CCT6A: variants seen among roughly 807,000 people sequenced by gnomAD.
CCT6A encodes T-complex protein 1 subunit zeta.
Under a neutral mutation model 58.6 loss-of-function variants are expected in CCT6A, and 6 were observed. That is an observed-to-expected ratio of 0.10 (90% CI 0.06 to 0.20). The LOEUF (loss-of-function observed/expected upper bound fraction) is 0.20. Ranked by LOEUF, CCT6A falls within the 10% of genes least tolerant of loss-of-function variation. The pLI is 1.00. For synonymous variants in CCT6A, 245 were observed against 227.8 expected (o/e 1.08, Z -0.68); for missense variants, 516 against 648.8 (o/e 0.80, Z 2.22).
intron 5 of CCT6A, 98 bp from the exon 6 acceptor site, chr7:56,057,895 T>G: frequency 2.8e-6 from 2 of 714,818 alleles, no homozygotes; most frequent in Non-Finnish European, 5.0e-6. Context: ...AAGAAAAATG[T>G]GACTGCGTGA....
intron 4 of CCT6A, 22 bp from the exon 5 acceptor site, chr7:56,056,289 G>A (rs1172548825): frequency 4.1e-6 from 5 of 1,214,092 alleles, no homozygotes; most frequent in East Asian, 4.6e-5. Flanking sequence ...TTTACTTAAC[G>A]GTTATGCTCC....
intron 4 of CCT6A, 194 bp downstream of exon 4, chr7:56,055,991 G>C (rs1794295989): frequency 3.8e-6 from 2 of 532,268 alleles, no homozygotes; most frequent in South Asian, 5.7e-5. Flanking sequence ...GGTTATAAAA[G>C]TAAAATTGAA....
In CCT6A at chr7:56,063,975, T is replaced by A. The variant is rs1794551741; in HGVS notation, c.*890T>A. 4.2e-6 allele frequency: 2 copies of A among 472,302 alleles called. No individual in the cohort carries two copies. The highest frequency in any genetic ancestry group is 5.7e-5 in the South Asian group (2 of 34,972). The allele number at this position is 472,302 out of a possible 1,614,324, so 29.3% of individuals were successfully genotyped here. On this transcript the variant is annotated 3_prime_UTR_variant, in exon 14 of 14. Coordinates refer to ENST00000275603, the MANE Select transcript of CCT6A (RefSeq NM_001762.4). ...CCTGAAGTGAGTTGTGCAATAAATG[T>A]TAAGTTGAAACCTCCTTTCTGTTCT...
chr7:56,062,983 T>G, intron 13 of CCT6A, 30 bp from the exon 14 acceptor site: 1 of 1,535,926 alleles, frequency 6.5e-7, no homozygotes. Context: ...CCTAATCATC[T>G]GAGCCATCTT....
At position 56,063,082 on chromosome 7, in the gene CCT6A, T is replaced by G. The variant is rs1462898019; in HGVS notation, c.1593T>G (p.Gly531=). The G allele has an allele frequency of 6.3e-7, 1 of 1,597,346 alleles. No individual in the cohort carries two copies. Among genetic ancestry groups the G allele is most frequent in the South Asian group, 1.1e-5 (1 of 90,766 alleles). The change falls in exon 14 of 14, where the codon GGT becomes GGG. Residue 531 remains glycine (G), a synonymous_variant. Coordinates refer to ENST00000275603, the MANE Select transcript of CCT6A (RefSeq NM_001762.4). ...GAGCTGGAATGTCTTCTCTGAAAGGTTGAATTGAAGCTTCCTCTGTATCTG... is the reference window on the plus strand; with the variant it reads ...GAGCTGGAATGTCTTCTCTGAAAGGGTGAATTGAAGCTTCCTCTGTATCTG... The part of the protein sequence containing the change: ...IMRAGMSSLK[G]
intron 3 of CCT6A, 68 bp from the exon 4 acceptor site, chr7:56,055,556 C>A: frequency 7.5e-7 from 1 of 1,333,228 alleles, no homozygotes; most frequent in Non-Finnish European, 1.1e-6. Context: ...CAATAATTAC[C>A]TGAACTTTAT....
rs943910909 is a variant in CCT6A at position 56,058,884 on chromosome 7, T to A, written c.968+182T>A. ...TTTTCATCATCACAAACTGAAACTG[T>A]ATACCCATTAAATAGTTACTCCCCA... On this transcript the variant is annotated intron_variant, in intron 8 of 13. Transcript: ENST00000275603. 9 of 445,762 alleles carry A rather than the reference T, an allele frequency of 2.0e-5. No homozygotes were observed. In the East Asian group the frequency reaches 2.3e-4, roughly 12 times the overall value. 27.6% of individuals were successfully genotyped at this position (445,762 alleles called of 1,614,324 possible). A position where few individuals can be genotyped will look rare whatever the true frequency, so the allele number is the denominator to read the frequency against.
intron 12 of CCT6A, among the ~76,000 whole-genome samples, chr7:56,062,259 G>A (rs1345780021): frequency 6.6e-6 from 1 of 152,204 alleles, no homozygotes; most frequent in South Asian, 2.1e-4. Context: ...AATGGTGACA[G>A]CCCTGATCTT....
chr7:56,061,668 C>CTTT (rs71015174), intron 11 of CCT6A, 79 bp from the exon 12 acceptor site: 5 of 312,670 alleles, frequency 1.6e-5, no homozygotes, highest in Middle Eastern at 1.2e-3. Context: ...TTTCTTTTTT[C>CTTT]TTTTTTTTTT....
intron 11 of CCT6A, 196 bp from the exon 12 acceptor site, chr7:56,061,551 T>G (rs1794433691): frequency 2.9e-6 from 1 of 340,728 alleles, no homozygotes; most frequent in Admixed American, 5.1e-5. Context: ...TTCACCATGT[T>G]GGCCAGGCTG....
Position 56,052,496 on chromosome 7 carries a change from C to A in CCT6A, c.201+11C>A. 6.2e-7 allele frequency: 1 copy of A among 1,609,370 alleles called. No homozygotes were observed. ...CTGCTTCACGAAATGGTGAGAGGTG[C>A]TCTGGGCTAGGTCAGAAAGGTCTTG... On this transcript the variant is annotated intron_variant, in intron 2 of 13. Coordinates refer to ENST00000275603, the MANE Select transcript of CCT6A (RefSeq NM_001762.4).
rs1794535633 is a variant in CCT6A at position 56,063,697 on chromosome 7, C to G, written c.*612C>G. The G allele has an allele frequency of 6.3e-6, 1 of 158,172 alleles. No individual in the cohort carries two copies. The highest frequency in any genetic ancestry group is 1.4e-5 in the Non-Finnish European group (1 of 71,904). The allele number at this position is 158,172 out of a possible 1,614,324, so 9.8% of individuals were successfully genotyped here. Reference sequence around the variant, plus strand: ...TGCAACTGTAAAGGGCAAGAACAGGCAGAGGTAAAAAGATGATGGAAGGTG... The same window carrying G: ...TGCAACTGTAAAGGGCAAGAACAGGGAGAGGTAAAAAGATGATGGAAGGTG... On this transcript the variant is annotated 3_prime_UTR_variant, in exon 14 of 14. Transcript: ENST00000275603.
rs762348613 is a variant in CCT6A at position 56,063,539 on chromosome 7, T to C, written c.*454T>C. Reference sequence around the variant, plus strand: ...AATATTGAAAGCATCCCTGTTGGTATAAATTTCTGAGTAAATGCATTGGAT... The same window carrying C: ...AATATTGAAAGCATCCCTGTTGGTACAAATTTCTGAGTAAATGCATTGGAT... On this transcript the variant is annotated 3_prime_UTR_variant, in exon 14 of 14. Coordinates refer to ENST00000275603, the MANE Select transcript of CCT6A (RefSeq NM_001762.4). 17 of 173,684 alleles carry C rather than the reference T, an allele frequency of 9.8e-5. No homozygotes were observed. The highest frequency in any genetic ancestry group is 6.1e-3 in the Middle Eastern group (2 of 330). The allele number at this position is 173,684 out of a possible 1,614,324, so 10.8% of individuals were successfully genotyped here. A position where few individuals can be genotyped will look rare whatever the true frequency, so the allele number is the denominator to read the frequency against.
chr7:56,062,058 A>G (rs1794454896), intron 12 of CCT6A: 1 of 411,582 alleles, frequency 2.4e-6, no homozygotes, highest in Non-Finnish European at 4.4e-6. Flanking sequence ...ATTTGGGGAT[A>G]CAATTTTGGA....
chr7:56,055,429 C>A, intron 3 of CCT6A, 195 bp from the exon 4 acceptor site: 1 of 675,820 alleles, frequency 1.5e-6, no homozygotes, highest in South Asian at 1.7e-5. Context: ...CTAGAGCATT[C>A]ATTACCTGTT....
In CCT6A at chr7:56,061,860, G is replaced by A. The variant is rs150388392; in HGVS notation, c.1450+11G>A. 677 of 1,443,176 alleles carry A rather than the reference G, an allele frequency of 4.7e-4. 5 individuals are homozygous for A. The East Asian group carries it at 0.016, about 33-fold the overall frequency. 89.4% of individuals were successfully genotyped at this position (1,443,176 alleles called of 1,614,324 possible). On this transcript the variant is annotated intron_variant, in intron 12 of 13. Coordinates refer to ENST00000275603, the MANE Select transcript of CCT6A (RefSeq NM_001762.4). ...TGGACCTGAACACAGGTAAGAGAATGCAACTGTTGTAGAGGGAAAACTAGA... is the reference window on the plus strand; with the variant it reads ...TGGACCTGAACACAGGTAAGAGAATACAACTGTTGTAGAGGGAAAACTAGA...
At chr7:56,055,302 GATAATGCTACC>G (rs1157204041) in intron 3 of CCT6A, 1 of 328,242 alleles carries the variant, frequency 3.0e-6, no homozygotes, top group Non-Finnish European at 5.9e-6. Flanking sequence ...ATAAAGATAG[GATAATGCTACC>G]ATCTGTGAGT....
chr7:56,058,586 AAG>A (rs776229868), intron 7 of CCT6A, 32 bp from the exon 8 acceptor site: 1 of 1,583,150 alleles, frequency 6.3e-7, no homozygotes, highest in South Asian at 1.1e-5. Context: ...TTTAAGGTGA[AAG>A]ATGTTGAAAT....
rs1018002520 is a variant in CCT6A at position 56,051,775 on chromosome 7, G to C, written c.-74G>C. The C allele has an allele frequency of 1.3e-5, 20 of 1,523,748 alleles. No individual in the cohort carries two copies. In the African/African-American group the frequency reaches 2.8e-4, roughly 22 times the overall value. 94.4% of individuals were successfully genotyped at this position (1,523,748 alleles called of 1,614,324 possible). A position where few individuals can be genotyped will look rare whatever the true frequency, so the allele number is the denominator to read the frequency against. ...CGGGCCGACTTTTCCAGAAGACCCG[G>C]ATAGTTCCTCCCGGCCACGCCGCGC... On this transcript the variant is annotated 5_prime_UTR_variant, in exon 1 of 14. Transcript: ENST00000275603.
Sources: allele counts gnomAD v4.1 joint callset (sites outside exome capture counted in the v4.1 genomes callset), GRCh38; gene constraint gnomAD v4.1.1; transcripts MANE v1.5; gene names NCBI Gene and HGNC (gene_info 2026-07-23, HGNC 2026-07-21).